The following DPPA4 variants were observed in gnomAD, a reference collection of about 807,000 sequenced individuals.
The protein encoded by DPPA4 is developmental pluripotency-associated protein 4.
A neutral mutation model predicts 33.7 loss-of-function variants in DPPA4; 22 were observed. The ratio of observed to expected loss-of-function variants is 0.65; its 90% CI spans 0.47 to 0.93. The LOEUF (loss-of-function observed/expected upper bound fraction) is 0.93, where lower values mean the gene tolerates loss of function less well. DPPA4 is among the 40% of genes least tolerant of loss of function. DPPA4 has a pLI of 0.00. For synonymous variants in DPPA4, 156 were observed against 132.3 expected (o/e 1.18, Z -1.23); for missense variants, 340 against 358.6 (o/e 0.95, Z 0.42).
At chr3:109,335,374 C>A (rs1221902266) in intron 1 of DPPA4, among the ~76,000 whole-genome samples, 1 of 152,160 alleles carries the variant, frequency 6.6e-6, no homozygotes, top group Admixed American at 6.5e-5. Flanking sequence ...AATCTTCCCG[C>A]CTTGGCTCCC....
chr3:109,335,355 G>A (rs148304921), intron 1 of DPPA4, among the ~76,000 whole-genome samples: 5 of 152,208 alleles, frequency 3.3e-5, no homozygotes, highest in African/African-American at 7.2e-5. Flanking sequence ...CAATCTTCTA[G>A]CCTCAAGCAA....
chr3:109,328,041 G>T lies in DPPA4; in HGVS notation c.879-17C>A. On this transcript the variant is annotated splice_polypyrimidine_tract_variant and intron_variant, in intron 6 of 6. Coordinates refer to ENST00000335658, the MANE Select transcript of DPPA4 (RefSeq NM_018189.4). The stretch of plus-strand genomic sequence containing the variant: ...ACCTTGTTCCTATAAAGCAAATAAA[G>T]TATTTGTTTTTAAAAAGAATGAAGA... 2.8e-6 allele frequency: 4 copies of T among 1,438,218 alleles called. No individual in the cohort carries two copies. Among genetic ancestry groups the T allele is most frequent in the Non-Finnish European group, 3.9e-6 (4 of 1,025,730 alleles). 89.1% of individuals were successfully genotyped at this position (1,438,218 alleles called of 1,614,324 possible).
chr3:109,330,333 G>A lies in DPPA4; in HGVS notation c.679+191C>T, dbSNP rs376130108. The A allele has an allele frequency of 8.0e-4, 326 of 409,734 alleles. 2 individuals carry two copies. Among genetic ancestry groups the A allele is most frequent in the African/African-American group, 9.6e-4 (37 of 38,620 alleles). The allele number at this position is 409,734 out of a possible 1,614,324, so 25.4% of individuals were successfully genotyped here. A position where few individuals can be genotyped will look rare whatever the true frequency, so the allele number is the denominator to read the frequency against. On this transcript the variant is annotated intron_variant, in intron 5 of 6. Coordinates refer to ENST00000335658, the MANE Select transcript of DPPA4 (RefSeq NM_018189.4). ...AAAAAAAAAAAAAAAAAAAAAAAAGGAAAAAAAAAAAAGAAATGCAAATAA... is the reference window on the plus strand; with the variant it reads ...AAAAAAAAAAAAAAAAAAAAAAAAGAAAAAAAAAAAAAGAAATGCAAATAA...
intron 2 of DPPA4, among the ~76,000 whole-genome samples, chr3:109,332,699 G>C (rs995358955): frequency 6.6e-6 from 1 of 152,138 alleles, no homozygotes; most frequent in South Asian, 2.1e-4. Flanking sequence ...CCCACCCTAG[G>C]TCAGGGAAGC....
intron 1 of DPPA4, among the ~76,000 whole-genome samples, chr3:109,336,604 C>G (rs1223304035): frequency 2.0e-5 from 3 of 152,188 alleles, no homozygotes. Flanking sequence ...CCAAACTCAG[C>G]TCAATTACCT....
rs369859388 is a variant in DPPA4, at chr3:109,332,537, AG to A, written c.179-507del. Among the ~76,000 whole-genome samples the A allele has an allele frequency of 5.4e-4, 82 of 152,246 alleles. 2 individuals carry two copies. The South Asian group carries it at 0.016, about 30-fold the overall frequency. On this transcript the variant is annotated intron_variant, in intron 2 of 6. Coordinates refer to ENST00000335658, the MANE Select transcript of DPPA4 (RefSeq NM_018189.4). ...GTGAGCTCCTTAATCCACAGAATCC[AG>A]GTGGTGGCATCGGAGGTTGCACTTC...
intron 4 of DPPA4, among the ~76,000 whole-genome samples, chr3:109,331,260 CAAAAAAAAAAAAAAA>C (rs10593582): frequency 1.5e-4 from 9 of 58,392 alleles, no homozygotes; most frequent in Non-Finnish European, 2.2e-4. Flanking sequence ...GACTCTGTCT[CAAAAAAAAAAAAAAA>C]AAAAAAAAAG....
At chr3:109,336,253 A>T (rs1277435536) in intron 1 of DPPA4, 3 of 152,100 alleles carry the variant, frequency 2.0e-5, no homozygotes, top group African/African-American at 7.2e-5. Flanking sequence ...GCATTTTTAC[A>T]TCTCTATAGC....
upstream of DPPA4, among the ~76,000 whole-genome samples, chr3:109,339,183 T>A (rs1367338906): frequency 1.3e-5 from 2 of 151,688 alleles, no homozygotes; most frequent in Non-Finnish European, 2.9e-5. Flanking sequence ...AGTGTGAGAC[T>A]CCATCTCAAA....
rs182652853 is a variant in DPPA4 at position 109,327,922 on chromosome 3, C to T, written c.*66G>A. On this transcript the variant is annotated 3_prime_UTR_variant, in exon 7 of 7. Transcript: ENST00000335658. ...ACCAGAGTTCACCTGTCAGCAGCAC[C>T]GCAGAATCCAACTCTCCAGCTTTTC... 2.5e-4 allele frequency: 289 copies of T among 1,178,546 alleles called. No individual in the cohort carries two copies. The highest frequency in any genetic ancestry group is 5.5e-4 in the Middle Eastern group (2 of 3,650). The allele number at this position is 1,178,546 out of a possible 1,614,324, so 73.0% of individuals were successfully genotyped here.
chr3:109,328,446 T>C (rs1221036433), intron 6 of DPPA4, among the ~76,000 whole-genome samples: 1 of 152,194 alleles, frequency 6.6e-6, no homozygotes, highest in Non-Finnish European at 1.5e-5. Flanking sequence ...TCTTGCTACG[T>C]TTCCCAGGCT....
intron 5 of DPPA4, chr3:109,330,300 CAAAAAAAAAAAAAAAA>C (rs71129042): frequency 8.5e-4 from 295 of 348,378 alleles, no homozygotes; most frequent in African/African-American, 3.8e-3. Flanking sequence ...GAAACTGTCT[CAAAAAAAAAAAAAAAA>C]AAAAAAAAAA....
At chr3:109,331,589 G>GAGAAGT (rs1470565051) in intron 4 of DPPA4, 145 bp downstream of exon 4, 1 of 376,388 alleles carries the variant, frequency 2.7e-6, no homozygotes, top group African/African-American at 2.2e-5. Context: ...AGAAAAAAAA[G>GAGAAGT]AGAAGTAGAG....
In DPPA4 at chr3:109,327,030, G is replaced by A. The variant is rs1044340332; in HGVS notation, c.*958C>T. ...TTCAATATATTATGTATTTATGAGC[G>A]GGAAGCAACCTTAAACATTTTAAAC... is the stretch of plus-strand genomic sequence containing the variant. On this transcript the variant is annotated 3_prime_UTR_variant, in exon 7 of 7. Transcript: ENST00000335658. The A allele has an allele frequency of 3.9e-5, 6 of 152,142 alleles. No individual in the cohort carries two copies. Among genetic ancestry groups the A allele is most frequent in the Non-Finnish European group, 5.9e-5 (4 of 67,996 alleles). The allele number at this position is 152,142 out of a possible 1,614,324, so 9.4% of individuals were successfully genotyped here. A position where few individuals can be genotyped will look rare whatever the true frequency, so the allele number is the denominator to read the frequency against.
intron 2 of DPPA4, chr3:109,333,349 CAAAAAAAAAAAAAA>C (rs56044946): frequency 2.0e-5 from 2 of 97,562 alleles, no homozygotes; most frequent in African/African-American, 4.6e-5. Flanking sequence ...CTTGGTGTCT[CAAAAAAAAAAAAAA>C]AAAAAAAAAA....
chr3:109,335,148 T>G (rs1708165354), intron 1 of DPPA4, among the ~76,000 whole-genome samples: 1 of 152,204 alleles, frequency 6.6e-6, no homozygotes, highest in South Asian at 2.1e-4. Flanking sequence ...ACTTTCATTT[T>G]TTTAAAAAAT....
At chr3:109,332,362 A>G (rs552737066) in intron 2 of DPPA4, among the ~76,000 whole-genome samples, 2 of 152,146 alleles carry the variant, frequency 1.3e-5, no homozygotes, top group South Asian at 2.1e-4. Context: ...AGGCCTCCCA[A>G]AGTTCTGAGA....
At position 109,327,764 on chromosome 3, in the gene DPPA4, T is replaced by A; in HGVS notation, c.*224A>T. 1 of 448,012 alleles carries A rather than the reference T, an allele frequency of 2.2e-6. No individual in the cohort carries two copies. Among genetic ancestry groups the A allele is most frequent in the Non-Finnish European group, 4.0e-6 (1 of 251,530 alleles). The allele number at this position is 448,012 out of a possible 1,614,324, so 27.8% of individuals were successfully genotyped here. A position where few individuals can be genotyped will look rare whatever the true frequency, so the allele number is the denominator to read the frequency against. On this transcript the variant is annotated 3_prime_UTR_variant, in exon 7 of 7. Coordinates refer to ENST00000335658, the MANE Select transcript of DPPA4 (RefSeq NM_018189.4). ...ACATATTAACTACAATTTATGGTAA[T>A]TTGTGAAATGTTTTTCCATTTTTAA...
chr3:109,337,826 C>CA (rs560299600), upstream of DPPA4, among the ~76,000 whole-genome samples: 137 of 144,140 alleles, frequency 9.5e-4, no homozygotes, highest in African/African-American at 3.6e-3. Context: ...GGAAAAAAAA[C>CA]AAAAAACAAA....
Sources: gnomAD v4.1 joint callset for allele counts (sites outside exome capture counted in the v4.1 genomes callset) on GRCh38, gnomAD v4.1.1 for gene constraint, MANE v1.5 for transcripts, NCBI Gene and HGNC (gene_info 2026-07-23, HGNC 2026-07-21) for gene names.